ITGAE: variants seen among roughly 807,000 people sequenced by gnomAD.
ITGAE encodes integrin subunit alpha E, also known as integrin alpha-E.
In ITGAE, 99 loss-of-function variants were observed where a neutral mutation model predicts 136.5. That is an observed-to-expected ratio of 0.73 (90% CI 0.62 to 0.86). The LOEUF (loss-of-function observed/expected upper bound fraction) is 0.86. Ranked by LOEUF, ITGAE falls within the 40% of genes least tolerant of loss-of-function variation. The pLI is 0.00. For missense variants in ITGAE, 1,447 were observed against 1,515.3 expected (o/e 0.95, Z 0.75); for synonymous variants, 613 against 591.8 (o/e 1.04, Z -0.52).
chr17:3,756,859 TG>T, intron 10 of ITGAE, 124 bp downstream of exon 10: 1 of 1,050,880 alleles, frequency 9.5e-7, no homozygotes, highest in Non-Finnish European at 1.4e-6. Context: ...TTTTTAGACA[TG>T]GAAGAGCTGA....
chr17:3,794,677 T>C (rs7221054), intron 1 of ITGAE, among the ~76,000 whole-genome samples: 107,154 of 151,920 alleles, frequency 0.71, 38,305 homozygotes, highest in Admixed American at 0.79. Context: ...GGACGCCCAG[T>C]AGGGAGTCTG....
chr17:3,747,973 T>C lies in ITGAE; in HGVS notation c.2104A>G (p.Asn702Asp), dbSNP rs768847003. 1.4e-5 allele frequency: 22 copies of C among 1,612,032 alleles called. No homozygotes were observed. Among genetic ancestry groups the C allele is most frequent in the Non-Finnish European group, 1.5e-5 (18 of 1,178,824 alleles). ...ALPIGFNGVVNVRLCFEISSV... is the reference protein window; with the variant it reads ...ALPIGFNGVVDVRLCFEISSV... The stretch of plus-strand genomic sequence containing the variant: ...CTGATTTCAAAACATAAACGGACAT[T>C]CACGACGCCGTTGAAGCCGATGGGC... Residue 702 changes from asparagine (N) to aspartate (D), a missense_variant, in exon 17 of 31, where the codon AAT becomes GAT. Physicochemically the swap from Asn to Asp is conservative, Grantham distance 23 (BLOSUM62 1). Transcript: ENST00000263087.
At chr17:3,743,995 G>A (rs749380765) in intron 18 of ITGAE, among the ~76,000 whole-genome samples, 8 of 150,126 alleles carry the variant, frequency 5.3e-5, no homozygotes, top group South Asian at 4.2e-4. Context: ...AAGCCACCGC[G>A]CCCGGCCTCT....
At position 3,753,880 on chromosome 17, in the gene ITGAE, A is replaced by G. The variant is rs759919236; in HGVS notation, c.1430T>C (p.Ile477Thr). Residue 477 changes from isoleucine to threonine, a missense_variant, in exon 13 of 31, where the codon ATC (isoleucine) becomes ACC (threonine). Around this residue, in one of 3 missense-constraint regions of ITGAE, gnomAD observed 1,031 missense variants for 1,011.4 expected, o/e 1.02. Transcript: ENST00000263087. ...ATGTTTGTACCGTGGAGCCCCCGCGATGTAGGAGAGGCTGCAGGTCTTGTG... is the reference window on the plus strand; with the variant it reads ...ATGTTTGTACCGTGGAGCCCCCGCGGTGTAGGAGAGGCTGCAGGTCTTGTG... Reference protein sequence around the residue: ...VLHKTCSLSYIAGAPRYKHHG... With the variant: ...VLHKTCSLSYTAGAPRYKHHG... The G allele has an allele frequency of 7.4e-6, 12 of 1,613,990 alleles. No homozygotes were observed. In the East Asian group the frequency reaches 2.2e-4, roughly 30 times the overall value.
At chr17:3,774,534 T>A (rs527841684) in intron 2 of ITGAE, among the ~76,000 whole-genome samples, 1 of 152,158 alleles carries the variant, frequency 6.6e-6, no homozygotes, top group African/African-American at 2.4e-5. Flanking sequence ...GAGGCCGAAG[T>A]GGGCAGGTCA....
At chr17:3,735,369 G>A (rs558352380) in intron 20 of ITGAE, among the ~76,000 whole-genome samples, 83 of 152,284 alleles carry the variant, frequency 5.5e-4, no homozygotes, top group African/African-American at 2.0e-3. Context: ...GTTTCTCCAC[G>A]TTGGTCAGGC....
At chr17:3,740,160 G>C (rs1033962935) in intron 19 of ITGAE, among the ~76,000 whole-genome samples, 3 of 152,204 alleles carry the variant, frequency 2.0e-5, no homozygotes, top group Non-Finnish European at 2.9e-5. Flanking sequence ...AATGTTAGGG[G>C]TGCCCATGAC....
In ITGAE at chr17:3,729,506, T is replaced by G; in HGVS notation, c.2884A>C (p.Arg962=). Residue 962 remains arginine, a synonymous_variant, in exon 24 of 31, where the codon AGG becomes CGG. Coordinates refer to ENST00000263087, the MANE Select transcript of ITGAE (RefSeq NM_002208.5). The part of the protein sequence containing the change: ...LANETHTLQF[R]HGFVAVLSKP... The stretch of plus-strand genomic sequence containing the variant: ...GACAGAACTGCAACGAAGCCATGCC[T>G]GAATTGAAGGGTGTGGGTCTCGTTG... 1 of 1,612,004 alleles carries G rather than the reference T, an allele frequency of 6.2e-7. No individual in the cohort carries two copies. The highest frequency in any genetic ancestry group is 8.5e-7 in the Non-Finnish European group (1 of 1,178,044).
At chr17:3,771,783 C>T (rs1395995575) in intron 2 of ITGAE, among the ~76,000 whole-genome samples, 6 of 152,120 alleles carry the variant, frequency 3.9e-5, no homozygotes, top group Non-Finnish European at 7.4e-5. Context: ...GTGACCCGCC[C>T]GCCTTGGCCT....
intron 17 of ITGAE, among the ~76,000 whole-genome samples, chr17:3,746,997 G>A (rs929701819): frequency 1.3e-5 from 2 of 152,240 alleles, no homozygotes; most frequent in African/African-American, 4.8e-5. Context: ...GACCATCTCA[G>A]AGATTGCTCC....
intron 16 of ITGAE, among the ~76,000 whole-genome samples, chr17:3,749,558 C>T (rs1338585178): frequency 1.3e-5 from 2 of 152,098 alleles, no homozygotes; most frequent in African/African-American, 2.4e-5. Context: ...AGCAAAAGCT[C>T]TGTTTTTAGA....
Position 3,727,933 on chromosome 17 carries a change from G to A in ITGAE, c.3070C>T (p.Leu1024=). 1.9e-6 allele frequency: 3 copies of A among 1,611,242 alleles called. No homozygotes were observed. The highest frequency in any genetic ancestry group is 2.5e-6 in the Non-Finnish European group (3 of 1,177,378). The change falls in exon 26 of 31, where the codon CTG becomes TTG. Residue 1024 remains leucine, a synonymous_variant. Coordinates refer to ENST00000263087, the MANE Select transcript of ITGAE (RefSeq NM_002208.5). ...CCTTTAAATACCTGAGTCCTCGTCA[G>A]CTTCTTCACTGCTACAACCTGGAGA... ...RGLQVVAVKK[L]TRTQASTVCT...
intron 1 of ITGAE, among the ~76,000 whole-genome samples, chr17:3,795,847 CTG>C (rs768240605): frequency 1.3e-3 from 156 of 122,794 alleles, no homozygotes; most frequent in Middle Eastern, 5.1e-3. Context: ...ATGTGTGCAT[CTG>C]TGTGTGTGCA....
chr17:3,795,461 C>G (rs1293297402), intron 1 of ITGAE, among the ~76,000 whole-genome samples: 1 of 152,240 alleles, frequency 6.6e-6, no homozygotes, highest in Admixed American at 6.5e-5. Context: ...CTGTTGCCTT[C>G]CAGGCACCAC....
chr17:3,795,989 C>CCG (rs1555528585), intron 1 of ITGAE, among the ~76,000 whole-genome samples: 7 of 127,096 alleles, frequency 5.5e-5, no homozygotes, highest in South Asian at 2.6e-4. Flanking sequence ...GTGTGTGCAT[C>CCG]TGTGTGTGCA....
intron 26 of ITGAE, 62 bp downstream of exon 26, chr17:3,727,857 A>G: frequency 1.9e-6 from 2 of 1,042,750 alleles, no homozygotes; most frequent in East Asian, 2.4e-5. Flanking sequence ...TGGTTTTTAT[A>G]CTTGAGACTC....
chr17:3,734,788 C>A (rs758796516), intron 21 of ITGAE, 29 bp downstream of exon 21: 7 of 1,613,278 alleles, frequency 4.3e-6, no homozygotes, highest in Non-Finnish European at 5.9e-6. Flanking sequence ...GCGTGAGGGA[C>A]CTGTTTCCAC....
intron 12 of ITGAE, 65 bp from the exon 13 acceptor site, chr17:3,753,990 C>A: frequency 1.3e-6 from 2 of 1,561,990 alleles, no homozygotes; most frequent in East Asian, 2.3e-5. Context: ...CTCTTGGCCC[C>A]GGCACCTTCC....
chr17:3,746,005 G>T, intron 17 of ITGAE, 78 bp from the exon 18 acceptor site: 1 of 1,360,732 alleles, frequency 7.3e-7, no homozygotes, highest in Non-Finnish European at 1.0e-6. Context: ...CCTGCCTGAG[G>T]TTCCTTGTGG....
Sources: allele counts gnomAD v4.1 joint callset (sites outside exome capture counted in the v4.1 genomes callset), GRCh38; gene constraint gnomAD v4.1.1; regional missense constraint gnomAD v4.1.1; transcripts MANE v1.5; gene names NCBI Gene and HGNC (gene_info 2026-07-23, HGNC 2026-07-21).